Variants in MLLT3 observed in about 807,000 individuals in gnomAD.
The protein encoded by MLLT3 is MLLT3 super elongation complex subunit.
MLLT3 carries 4 observed loss-of-function variants against 53.2 expected under a neutral mutation model. The observed-to-expected ratio is 0.08, with a 90% CI of 0.04 to 0.17. The LOEUF is 0.17. Among genes scored for constraint, MLLT3 ranks in the 10% least tolerant of loss-of-function variants. The probability of loss-of-function intolerance (pLI) is 1.00; values close to 1 mark genes in which losing one functional copy is unlikely to be tolerated. For missense variants in MLLT3, 569 were observed against 684.0 expected (o/e 0.83, Z 1.87); for synonymous variants, 283 against 230.6 (o/e 1.23, Z -2.06).
chr9:20,599,053 C>G (rs1820346836), intron 2 of MLLT3, among the ~76,000 whole-genome samples: 1 of 152,160 alleles, frequency 6.6e-6, no homozygotes. Flanking sequence ...CGCCTGTAAT[C>G]CCAGTACTTT....
At chr9:20,392,339 G>C (rs752699849) in intron 5 of MLLT3, among the ~76,000 whole-genome samples, 2 of 152,232 alleles carry the variant, frequency 1.3e-5, no homozygotes, top group Non-Finnish European at 2.9e-5. Flanking sequence ...ATAAGGCCCA[G>C]ATGCAGTCTG....
chr9:20,600,189 T>G (rs1820384559), intron 2 of MLLT3, among the ~76,000 whole-genome samples: 1 of 151,702 alleles, frequency 6.6e-6, no homozygotes, highest in Non-Finnish European at 1.5e-5. Context: ...TGGGCAGTAC[T>G]AAACACTCAG....
intron 2 of MLLT3, among the ~76,000 whole-genome samples, chr9:20,466,800 T>C (rs1224184643): frequency 6.6e-6 from 1 of 152,122 alleles, no homozygotes; most frequent in Non-Finnish European, 1.5e-5. Context: ...TAAAAACTAC[T>C]AGTAGTCAGT....
intron 2 of MLLT3, among the ~76,000 whole-genome samples, chr9:20,579,968 G>T (rs1819750085): frequency 6.6e-6 from 1 of 152,176 alleles, no homozygotes; most frequent in South Asian, 2.1e-4. Flanking sequence ...AATCTCACCA[G>T]ACTCGTGTGA....
At chr9:20,441,668 G>A (rs577179518) in intron 4 of MLLT3, among the ~76,000 whole-genome samples, 22 of 152,108 alleles carry the variant, frequency 1.4e-4, no homozygotes, top group Admixed American at 3.3e-4. Context: ...TTCTTTTATC[G>A]TTTGAAGTGA....
chr9:20,459,920 C>T (rs1202914619), intron 2 of MLLT3, among the ~76,000 whole-genome samples: 1 of 152,142 alleles, frequency 6.6e-6, no homozygotes, highest in Non-Finnish European at 1.5e-5. Flanking sequence ...ACACAATAAA[C>T]AGGCTAGAAA....
intron 2 of MLLT3, among the ~76,000 whole-genome samples, chr9:20,599,685 T>A (rs933158435): frequency 1.3e-5 from 2 of 152,156 alleles, no homozygotes; most frequent in African/African-American, 4.8e-5. Flanking sequence ...AAATCTTAGT[T>A]ATGCCACTCT....
At chr9:20,476,391 A>G (rs1824521976) in intron 2 of MLLT3, among the ~76,000 whole-genome samples, 1 of 152,140 alleles carries the variant, frequency 6.6e-6, no homozygotes, top group African/African-American at 2.4e-5. Context: ...GGAGTTAAAT[A>G]TACTGTCTAA....
chr9:20,493,497 T>A (rs1052227329), intron 2 of MLLT3, among the ~76,000 whole-genome samples: 1 of 152,046 alleles, frequency 6.6e-6, no homozygotes, highest in Non-Finnish European at 1.5e-5. Flanking sequence ...CCTATAAGAA[T>A]GTAAATTTAA....
chr9:20,367,437 T>C (rs567418467), intron 5 of MLLT3, among the ~76,000 whole-genome samples: 2 of 152,326 alleles, frequency 1.3e-5, no homozygotes, highest in East Asian at 1.9e-4. Flanking sequence ...TAATGCATTG[T>C]ATACAAGAGG....
chr9:20,503,039 GA>G (rs1291543684), intron 2 of MLLT3, among the ~76,000 whole-genome samples: 4 of 151,984 alleles, frequency 2.6e-5, no homozygotes, highest in Admixed American at 6.6e-5. Flanking sequence ...AAAGATTGAT[GA>G]AAAAAACTGA....
At chr9:20,411,043 G>A (rs1412995968) in intron 5 of MLLT3, 1 of 152,158 alleles carries the variant, frequency 6.6e-6, no homozygotes, top group Non-Finnish European at 1.5e-5. Flanking sequence ...GAGAGATCAG[G>A]TCATCTAATC....
At chr9:20,350,554 C>T (rs543221734) in intron 10 of MLLT3, among the ~76,000 whole-genome samples, 3 of 143,844 alleles carry the variant, frequency 2.1e-5, no homozygotes, top group South Asian at 2.2e-4. Context: ...GAGATCCCGC[C>T]ACTGCACTCC....
intron 8 of MLLT3, among the ~76,000 whole-genome samples, chr9:20,357,636 G>T (rs1039032547): frequency 6.6e-6 from 1 of 152,128 alleles, no homozygotes; most frequent in African/African-American, 2.4e-5. Context: ...ACAGTACTCA[G>T]GTTAATTACT....
Position 20,360,672 on chromosome 9 carries a change from T to C in MLLT3, c.1431+70A>G, listed in dbSNP as rs961897865. On this transcript the variant is annotated intron_variant, in intron 8 of 10. Coordinates refer to ENST00000380338, the MANE Select transcript of MLLT3 (RefSeq NM_004529.4). The stretch of plus-strand genomic sequence containing the variant: ...TGTTTAAAATTCAGGGATGAAAGTT[T>C]TGCATGCTTTGTAAAAATGATTACA... 10 of 1,299,096 alleles carry C rather than the reference T, an allele frequency of 7.7e-6. No individual in the cohort carries two copies. The African/African-American group carries it at 1.5e-4, about 19-fold the overall frequency. The allele number at this position is 1,299,096 out of a possible 1,614,324, so 80.5% of individuals were successfully genotyped here.
chr9:20,543,083 G>C (rs1027235867), intron 2 of MLLT3, among the ~76,000 whole-genome samples: 9 of 152,204 alleles, frequency 5.9e-5, no homozygotes, highest in African/African-American at 2.2e-4. Flanking sequence ...CTCTGGATTA[G>C]GCTTTGGCTC....
At chr9:20,549,960 C>T (rs1022850650) in intron 2 of MLLT3, among the ~76,000 whole-genome samples, 3 of 152,176 alleles carry the variant, frequency 2.0e-5, no homozygotes, top group Non-Finnish European at 2.9e-5. Flanking sequence ...GAATTTCATA[C>T]AACTGAATGT....
chr9:20,427,671 CA>C lies in MLLT3; in HGVS notation c.421-13247del, dbSNP rs1167415341. 3.3e-5 allele frequency among the ~76,000 whole-genome samples: 5 copies of C among 151,380 alleles called. No homozygotes were observed. The East Asian group carries it at 7.8e-4, about 24-fold the overall frequency. On this transcript the variant is annotated intron_variant, in intron 4 of 10. Coordinates refer to ENST00000380338, the MANE Select transcript of MLLT3 (RefSeq NM_004529.4). ...GTACTAAAAATGAAGAACACCAAAA[CA>C]AAAAAACTATAAAGACAGTAAGAAA...
intron 2 of MLLT3, among the ~76,000 whole-genome samples, chr9:20,579,003 T>C (rs920418911): frequency 1.3e-5 from 2 of 152,206 alleles, no homozygotes; most frequent in African/African-American, 2.4e-5. Flanking sequence ...ATATTTCTAT[T>C]GTACAGCGTT....
Sources: allele counts gnomAD v4.1 joint callset (sites outside exome capture counted in the v4.1 genomes callset), GRCh38; gene constraint gnomAD v4.1.1; transcripts MANE v1.5; gene names NCBI Gene and HGNC (gene_info 2026-07-23, HGNC 2026-07-21).